Variants in DEPDC1B observed in about 807,000 individuals in gnomAD.
The protein encoded by DEPDC1B is DEP domain containing 1B, also known as DEP domain-containing protein 1B.
A neutral mutation model predicts 66.5 loss-of-function variants in DEPDC1B; 51 were observed. The observed-to-expected ratio is 0.77, with a 90% CI of 0.61 to 0.97. The LOEUF (loss-of-function observed/expected upper bound fraction) is 0.97, where lower values mean the gene tolerates loss of function less well. DEPDC1B is among the 50% of genes least tolerant of loss of function. DEPDC1B has a pLI of 0.00. For missense variants in DEPDC1B, 552 were observed against 637.1 expected (o/e 0.87, Z 1.44); for synonymous variants, 226 against 223.6 (o/e 1.01, Z -0.10).
intron 7 of DEPDC1B, among the ~76,000 whole-genome samples, chr5:60,627,897 A>G (rs1223122107): frequency 2.0e-5 from 3 of 152,198 alleles, no homozygotes; most frequent in Admixed American, 6.5e-5. Flanking sequence ...CTGCCACTTA[A>G]TGAGAAAACT....
At chr5:60,668,113 A>ATATATATATATAAAATGGATATTT (rs1561384841) in intron 2 of DEPDC1B, among the ~76,000 whole-genome samples, 4 of 84,206 alleles carry the variant, frequency 4.8e-5, no homozygotes, top group South Asian at 3.8e-4. Context: ...TGGATATTTT[A>ATATATATATATAAAATGGATATTT]TATATATATA....
intron 8 of DEPDC1B, among the ~76,000 whole-genome samples, chr5:60,604,218 C>CTTTTTTGTTTT (rs1752264716): frequency 1.4e-5 from 1 of 68,970 alleles, no homozygotes; most frequent in Non-Finnish European, 2.8e-5. Flanking sequence ...ATTAACTATT[C>CTTTTTTGTTTT]TTTTTTTTTT....
Position 60,700,102 on chromosome 5 carries a change from G to GGCAGCAGCGGCC in DEPDC1B, c.-21_-10dup, listed in dbSNP as rs1754755103. On this transcript the variant is annotated 5_prime_UTR_variant, in exon 1 of 11. Coordinates refer to ENST00000265036, the MANE Select transcript of DEPDC1B (RefSeq NM_018369.3). ...ACGATGCGATGCTCCATGGCGCGTA[G>GGCAGCAGCGGCC]GCAGCAGCGGCCGCAGCCGCGCCAG... is the stretch of plus-strand genomic sequence containing the variant. 1.9e-6 allele frequency: 3 copies of GGCAGCAGCGGCC among 1,548,410 alleles called. No homozygotes were observed. Among genetic ancestry groups the GGCAGCAGCGGCC allele is most frequent in the Admixed American group, 1.9e-5 (1 of 51,374 alleles).
chr5:60,666,335 C>T (rs1753839843), intron 2 of DEPDC1B, among the ~76,000 whole-genome samples: 1 of 152,116 alleles, frequency 6.6e-6, no homozygotes. Flanking sequence ...CCGCATGGCC[C>T]AAGGTTCCAT....
intron 1 of DEPDC1B, chr5:60,687,958 T>A (rs1435400390): frequency 6.5e-6 from 1 of 154,660 alleles, no homozygotes; most frequent in East Asian, 1.9e-4. Flanking sequence ...TATTAATGGA[T>A]TTTTACATAA....
intron 2 of DEPDC1B, among the ~76,000 whole-genome samples, chr5:60,665,704 G>A (rs1753821731): frequency 6.6e-6 from 1 of 152,178 alleles, no homozygotes; most frequent in Non-Finnish European, 1.5e-5. Context: ...CGGGGACCGA[G>A]AGACAGGACT....
chr5:60,626,107 C>G (rs769218550), intron 7 of DEPDC1B, among the ~76,000 whole-genome samples: 5 of 151,938 alleles, frequency 3.3e-5, no homozygotes, highest in Non-Finnish European at 7.4e-5. Context: ...ATTTTGTCAC[C>G]TTCCCATTCT....
intron 7 of DEPDC1B, among the ~76,000 whole-genome samples, chr5:60,611,935 A>T (rs189533189): frequency 1.3e-5 from 2 of 152,256 alleles, no homozygotes; most frequent in African/African-American, 4.8e-5. Flanking sequence ...CAGATTTCCA[A>T]TGTAGACAAA....
At chr5:60,612,438 AT>A (rs1752432870) in intron 7 of DEPDC1B, among the ~76,000 whole-genome samples, 1 of 150,228 alleles carries the variant, frequency 6.7e-6, no homozygotes, top group African/African-American at 2.4e-5. Context: ...AAAAAAAAAA[AT>A]AGAATTATGC....
chr5:60,602,624 T>C (rs1752223028), intron 9 of DEPDC1B, among the ~76,000 whole-genome samples: 1 of 152,146 alleles, frequency 6.6e-6, no homozygotes, highest in South Asian at 2.1e-4. Context: ...TATATTATAT[T>C]TCTTTTGCAT....
intron 9 of DEPDC1B, 91 bp downstream of exon 9, chr5:60,603,300 A>T: frequency 8.2e-7 from 1 of 1,218,674 alleles, no homozygotes; most frequent in South Asian, 2.0e-5. Flanking sequence ...AATTCACTTA[A>T]TCCTCATAAT....
intron 7 of DEPDC1B, among the ~76,000 whole-genome samples, chr5:60,613,828 G>GTGTGTGTGTGTGTGTATA (rs3989094): frequency 4.2e-5 from 6 of 144,390 alleles, no homozygotes; most frequent in African/African-American, 1.6e-4. Context: ...GTGTGTGTGT[G>GTGTGTGTGTGTGTGTATA]TATACATAAA....
intron 7 of DEPDC1B, among the ~76,000 whole-genome samples, chr5:60,622,735 C>CATGAGA (rs1159626605): frequency 6.6e-6 from 1 of 152,152 alleles, no homozygotes; most frequent in Non-Finnish European, 1.5e-5. Context: ...TTAGTGTGTA[C>CATGAGA]ATGGTAGTAT....
At chr5:60,654,694 T>A (rs1174897908) in intron 2 of DEPDC1B, among the ~76,000 whole-genome samples, 1 of 148,868 alleles carries the variant, frequency 6.7e-6, no homozygotes, top group Non-Finnish European at 1.5e-5. Flanking sequence ...TCAGCATCCT[T>A]GTCTTTTTCC....
chr5:60,632,994 T>C (rs1247007401), intron 7 of DEPDC1B, among the ~76,000 whole-genome samples: 1 of 152,204 alleles, frequency 6.6e-6, no homozygotes, highest in Non-Finnish European at 1.5e-5. Context: ...CTCACCTAAG[T>C]ACTACCACAA....
At chr5:60,635,200 A>C (rs1753018065) in intron 7 of DEPDC1B, among the ~76,000 whole-genome samples, 1 of 152,206 alleles carries the variant, frequency 6.6e-6, no homozygotes, top group Non-Finnish European at 1.5e-5. Flanking sequence ...CTCTGCAAAA[A>C]AACAAAACAA....
chr5:60,631,823 G>A (rs896690742), intron 7 of DEPDC1B, among the ~76,000 whole-genome samples: 3 of 152,192 alleles, frequency 2.0e-5, no homozygotes, highest in Admixed American at 6.5e-5. Context: ...CTTATTCATA[G>A]GATCACAGAG....
At chr5:60,668,729 A>G (rs1451783774) in intron 2 of DEPDC1B, among the ~76,000 whole-genome samples, 1 of 152,228 alleles carries the variant, frequency 6.6e-6, no homozygotes, top group Non-Finnish European at 1.5e-5. Flanking sequence ...AAGGAAATTC[A>G]AGATAACATC....
chr5:60,628,155 A>G (rs550684282), intron 7 of DEPDC1B: 1 of 152,356 alleles, frequency 6.6e-6, no homozygotes, highest in Admixed American at 6.5e-5. Context: ...TATGATACAC[A>G]TAAATGCAAT....
Sources: gnomAD v4.1 joint callset for allele counts (sites outside exome capture counted in the v4.1 genomes callset) on GRCh38, gnomAD v4.1.1 for gene constraint, MANE v1.5 for transcripts, NCBI Gene and HGNC (gene_info 2026-07-23, HGNC 2026-07-21) for gene names.